POU6F2: variants seen among roughly 807,000 people sequenced by gnomAD.
POU6F2 encodes POU domain, class 6, transcription factor 2.
A neutral mutation model predicts 71.3 loss-of-function variants in POU6F2; 31 were observed. The ratio of observed to expected loss-of-function variants is 0.43; its 90% CI spans 0.33 to 0.59. The LOEUF (loss-of-function observed/expected upper bound fraction) is 0.59. Among genes scored for constraint, POU6F2 ranks in the 20% least tolerant of loss-of-function variants. POU6F2 has a pLI of 0.04. For missense variants in POU6F2, 783 were observed against 856.8 expected (o/e 0.91, Z 1.07); for synonymous variants, 347 against 355.7 (o/e 0.98, Z 0.27).
chr7:39,091,330 G>A (rs1791360482), intron 2 of POU6F2, among the ~76,000 whole-genome samples: 1 of 152,084 alleles, frequency 6.6e-6, no homozygotes, highest in Non-Finnish European at 1.5e-5. Context: ...CTATGCCTGG[G>A]GTGCTCAGGC....
intron 4 of POU6F2, among the ~76,000 whole-genome samples, chr7:39,239,696 C>CA (rs1281560911): frequency 1.3e-5 from 2 of 152,046 alleles, no homozygotes; most frequent in African/African-American, 4.8e-5. Flanking sequence ...CTGTCTCATG[C>CA]AAAGCACTTA....
At chr7:39,352,431 CTT>C (rs1212976669) in intron 5 of POU6F2, among the ~76,000 whole-genome samples, 1 of 152,152 alleles carries the variant, frequency 6.6e-6, no homozygotes, top group African/African-American at 2.4e-5. Context: ...CTTCAACACT[CTT>C]TTTCGAGAGC....
intron 5 of POU6F2, among the ~76,000 whole-genome samples, chr7:39,401,567 T>C (rs149502707): frequency 6.6e-6 from 1 of 152,320 alleles, no homozygotes; most frequent in East Asian, 1.9e-4. Context: ...AGTACTGATT[T>C]GGTTAGAAGA....
At chr7:39,322,447 G>A (rs745574293) in intron 4 of POU6F2, among the ~76,000 whole-genome samples, 1 of 152,156 alleles carries the variant, frequency 6.6e-6, no homozygotes, top group African/African-American at 2.4e-5. Flanking sequence ...TGGAATTTGG[G>A]TCAGCCCTTG....
intron 4 of POU6F2, among the ~76,000 whole-genome samples, chr7:39,335,978 G>T (rs1281840519): frequency 6.6e-6 from 1 of 152,174 alleles, no homozygotes; most frequent in East Asian, 1.9e-4. Flanking sequence ...AGCCCTTGCT[G>T]GTGGCTGCCC....
Position 39,339,081 on chromosome 7 carries a change from T to TAA in POU6F2, c.599-561_599-560insAA, listed in dbSNP as rs1454749623. 8.6e-4 allele frequency among the ~76,000 whole-genome samples: 123 copies of TAA among 142,694 alleles called. 2 individuals carry two copies. Among genetic ancestry groups the TAA allele is most frequent in the Non-Finnish European group, 7.4e-4 (47 of 63,352 alleles). 93.6% of individuals were successfully genotyped at this position (142,694 alleles called of 152,430 possible). A position where few individuals can be genotyped will look rare whatever the true frequency, so the allele number is the denominator to read the frequency against. ...AGAAGCATGTACTGCTTTTGAATTTTTAAAAAAAAAAAAAAACAGTTAGAA... is the reference window on the plus strand; with the variant it reads ...AGAAGCATGTACTGCTTTTGAATTTTAATAAAAAAAAAAAAAAACAGTTAGAA... On this transcript the variant is annotated intron_variant, in intron 4 of 9. Transcript: ENST00000518318.
At chr7:39,257,599 A>G (rs778189688) in intron 4 of POU6F2, among the ~76,000 whole-genome samples, 8 of 152,092 alleles carry the variant, frequency 5.3e-5, no homozygotes, top group Non-Finnish European at 1.0e-4. Context: ...ATATGTACCC[A>G]CCCTGCTTTG....
At chr7:39,111,553 A>C (rs1791814404) in intron 2 of POU6F2, among the ~76,000 whole-genome samples, 1 of 152,158 alleles carries the variant, frequency 6.6e-6, no homozygotes, top group South Asian at 2.1e-4. Context: ...AAAATAATGA[A>C]TTTTCATATT....
intron 4 of POU6F2, among the ~76,000 whole-genome samples, chr7:39,223,113 G>A (rs577038632): frequency 1.3e-5 from 2 of 152,228 alleles, no homozygotes; most frequent in East Asian, 1.9e-4. Context: ...TTGTTTTATA[G>A]TAGCTATCCT....
chr7:39,141,862 C>G (rs753735624), intron 2 of POU6F2, among the ~76,000 whole-genome samples: 2 of 152,028 alleles, frequency 1.3e-5, no homozygotes, highest in South Asian at 4.2e-4. Flanking sequence ...CCGAGGTGAG[C>G]GGATCACGAG....
chr7:39,207,521 G>T lies in POU6F2; in HGVS notation c.499G>T (p.Val167Phe). The T allele has an allele frequency of 6.2e-7, 1 of 1,614,028 alleles. No individual in the cohort carries two copies. The highest frequency in any genetic ancestry group is 8.5e-7 in the Non-Finnish European group (1 of 1,179,888). The change falls in exon 4 of 10, where the codon GTT becomes TTT. Residue 167 changes from valine (V) to phenylalanine (F), a missense_variant. Val to Phe is a conservative substitution (Grantham distance 50, BLOSUM62 -1). Around this residue, in one of 2 missense-constraint regions of POU6F2, gnomAD observed 572 missense variants for 572.9 expected, o/e 1.00. Coordinates refer to ENST00000518318, the MANE Select transcript of POU6F2 (RefSeq NM_001370959.1). ...ACAGCTAGGAGGCCAGCAAGGACTG[G>T]TTCTCACACTGCCAACAGCGAATCT... Reference protein sequence around the residue: ...AGQLGGQQGLVLTLPTANLTN... With the variant: ...AGQLGGQQGLFLTLPTANLTN...
chr7:39,313,474 G>C (rs1201234956), intron 4 of POU6F2, among the ~76,000 whole-genome samples: 1 of 152,026 alleles, frequency 6.6e-6, no homozygotes, highest in Non-Finnish European at 1.5e-5. Flanking sequence ...TACAATGTAA[G>C]TTCCCTGAGG....
At chr7:39,319,920 C>T (rs986089015) in intron 4 of POU6F2, among the ~76,000 whole-genome samples, 1 of 152,232 alleles carries the variant, frequency 6.6e-6, no homozygotes, top group Non-Finnish European at 1.5e-5. Context: ...GAAGAGATGT[C>T]TACCTAATTC....
At chr7:39,272,157 A>T (rs1479561958) in intron 4 of POU6F2, among the ~76,000 whole-genome samples, 1 of 152,244 alleles carries the variant, frequency 6.6e-6, no homozygotes, top group Non-Finnish European at 1.5e-5. Context: ...GGAAGAAACC[A>T]TTCAGTGGTT....
chr7:39,068,211 C>A (rs1341427321), intron 1 of POU6F2, among the ~76,000 whole-genome samples: 2 of 151,944 alleles, frequency 1.3e-5, no homozygotes, highest in Non-Finnish European at 2.9e-5. Context: ...CACTAAAAAA[C>A]ACACACAAAA....
chr7:39,335,629 T>C (rs894153650), intron 4 of POU6F2, among the ~76,000 whole-genome samples: 1 of 152,272 alleles, frequency 6.6e-6, no homozygotes, highest in Non-Finnish European at 1.5e-5. Context: ...TTTCTGAGAC[T>C]GAGTTCTATA....
At chr7:39,018,284 A>C (rs1240122316) in intron 1 of POU6F2, among the ~76,000 whole-genome samples, 1 of 152,100 alleles carries the variant, frequency 6.6e-6, no homozygotes, top group East Asian at 1.9e-4. Flanking sequence ...AATCATTCTC[A>C]GAAATGCTCT....
At chr7:39,221,854 A>G (rs1257354526) in intron 4 of POU6F2, among the ~76,000 whole-genome samples, 1 of 152,192 alleles carries the variant, frequency 6.6e-6, no homozygotes, top group Non-Finnish European at 1.5e-5. Flanking sequence ...GGCCCTCTGT[A>G]TGTTATTCAT....
chr7:39,199,211 C>T (rs1793844773), intron 2 of POU6F2, among the ~76,000 whole-genome samples: 1 of 152,124 alleles, frequency 6.6e-6, no homozygotes, highest in South Asian at 2.1e-4. Context: ...AGTTGTTTTG[C>T]TTGGGATGAG....
Sources: allele counts gnomAD v4.1 joint callset (sites outside exome capture counted in the v4.1 genomes callset), GRCh38; gene constraint gnomAD v4.1.1; regional missense constraint gnomAD v4.1.1; transcripts MANE v1.5; gene names NCBI Gene and HGNC (gene_info 2026-07-23, HGNC 2026-07-21).